The following MED13L variants were observed in gnomAD, a reference collection of about 807,000 sequenced individuals.
The protein encoded by MED13L is mediator complex subunit 13L, also known as mediator of RNA polymerase II transcription subunit 13-like.
A neutral mutation model predicts 220.9 loss-of-function variants in MED13L; 7 were observed. The ratio of observed to expected loss-of-function variants is 0.03; its 90% CI spans 0.02 to 0.06. The LOEUF is 0.06. MED13L is among the 10% of genes least tolerant of loss of function. The probability of loss-of-function intolerance (pLI) is 1.00; values close to 1 mark genes in which losing one functional copy is unlikely to be tolerated. For missense variants in MED13L, 1,965 were observed against 2,760.5 expected (o/e 0.71, Z 6.46); for synonymous variants, 1,011 against 1,015.2 (o/e 1.00, Z 0.08).
At chr12:116,275,963 C>A (rs758258748) in intron 1 of MED13L, among the ~76,000 whole-genome samples, 2 of 152,214 alleles carry the variant, frequency 1.3e-5, no homozygotes, top group Non-Finnish European at 2.9e-5. Flanking sequence ...TATTTAAAGA[C>A]CACGCACTGC....
intron 1 of MED13L, among the ~76,000 whole-genome samples, chr12:116,244,209 T>C (rs994031642): frequency 1.3e-5 from 2 of 152,114 alleles, no homozygotes; most frequent in African/African-American, 4.8e-5. Context: ...GTAGAGTAGG[T>C]TAATACAGTA....
chr12:116,027,148 C>T (rs1426814692), intron 4 of MED13L, among the ~76,000 whole-genome samples: 1 of 152,132 alleles, frequency 6.6e-6, no homozygotes, highest in African/African-American at 2.4e-5. Context: ...AACAGCTGGG[C>T]AAGGTGGCTC....
intron 4 of MED13L, among the ~76,000 whole-genome samples, chr12:116,084,252 A>G (rs1294275959): frequency 1.3e-5 from 2 of 152,180 alleles, no homozygotes; most frequent in African/African-American, 4.8e-5. Flanking sequence ...TTGGTAACTT[A>G]CCTTTTTGAA....
chr12:116,027,749 C>T (rs1056488190), intron 4 of MED13L, among the ~76,000 whole-genome samples: 1 of 152,124 alleles, frequency 6.6e-6, no homozygotes, highest in Non-Finnish European at 1.5e-5. Flanking sequence ...GCTTAGCAAG[C>T]CATCAATATC....
intron 4 of MED13L, among the ~76,000 whole-genome samples, chr12:116,094,896 C>T (rs1872527681): frequency 6.6e-6 from 1 of 152,170 alleles, no homozygotes; most frequent in Admixed American, 6.5e-5. Flanking sequence ...AGGCCAGGCA[C>T]AGGGGCTCAC....
chr12:116,146,644 C>T (rs994973313), intron 2 of MED13L, among the ~76,000 whole-genome samples: 1 of 151,842 alleles, frequency 6.6e-6, no homozygotes, highest in African/African-American at 2.4e-5. Context: ...GCAGGGGGGA[C>T]TGCTTGAGGC....
intron 2 of MED13L, among the ~76,000 whole-genome samples, chr12:116,201,132 A>C (rs924919648): frequency 7.2e-5 from 11 of 152,354 alleles, no homozygotes; most frequent in African/African-American, 2.6e-4. Flanking sequence ...TATAATTTTA[A>C]AAAGCCCCCA....
At chr12:116,183,803 GGTGTGTGTGTGTGTGTATGTGT>G (rs1880692567) in intron 2 of MED13L, among the ~76,000 whole-genome samples, 4 of 110,162 alleles carry the variant, frequency 3.6e-5, no homozygotes, top group Middle Eastern at 4.7e-3. Flanking sequence ...TAGAAAAAAT[GGTGTGTGTGTGTGTGTATGTGT>G]GTGTGTGTGT....
chr12:116,080,832 G>C (rs1444326815), intron 4 of MED13L, among the ~76,000 whole-genome samples: 1 of 152,154 alleles, frequency 6.6e-6, no homozygotes, highest in Non-Finnish European at 1.5e-5. Context: ...ACTGCAGTAT[G>C]TGCATTATTT....
At chr12:116,056,784 G>C (rs185291461) in intron 4 of MED13L, among the ~76,000 whole-genome samples, 2 of 152,262 alleles carry the variant, frequency 1.3e-5, no homozygotes, top group Admixed American at 1.3e-4. Flanking sequence ...TTATAGGATA[G>C]AAATTACTAT....
chr12:116,031,616 A>AG (rs1442798197), intron 4 of MED13L, among the ~76,000 whole-genome samples: 2 of 85,038 alleles, frequency 2.4e-5, no homozygotes, highest in African/African-American at 9.4e-5. Flanking sequence ...AAGAGAAGAG[A>AG]AGGAGGGGAG....
chr12:116,270,222 ACCT>A (rs1873183802), intron 1 of MED13L, among the ~76,000 whole-genome samples: 1 of 151,886 alleles, frequency 6.6e-6, no homozygotes, highest in Non-Finnish European at 1.5e-5. Flanking sequence ...GCTCACTGAA[ACCT>A]CTGCCTCCTG....
intron 14 of MED13L, among the ~76,000 whole-genome samples, chr12:115,998,128 A>T (rs557998330): frequency 8.9e-4 from 134 of 151,008 alleles, no homozygotes; most frequent in African/African-American, 3.0e-3. Flanking sequence ...CTCCTTCTTT[A>T]AAAAAAAAGT....
chr12:116,109,044 T>G (rs942575102), intron 3 of MED13L, among the ~76,000 whole-genome samples: 8 of 150,464 alleles, frequency 5.3e-5, no homozygotes, highest in South Asian at 2.1e-4. Context: ...AAACTTTATA[T>G]GTCATAATTA....
Position 116,019,160 on chromosome 12 carries a change from G to A in MED13L, c.1009+64C>T, listed in dbSNP as rs1301870641. Reference sequence around the variant, plus strand: ...ATTTCTGTTTTCTCACCTGTTCCATGGCAGGTAGACTATACAATTGTCTGA... The same window carrying A: ...ATTTCTGTTTTCTCACCTGTTCCATAGCAGGTAGACTATACAATTGTCTGA... On this transcript the variant is annotated intron_variant, in intron 7 of 30. Transcript: ENST00000281928. 1.5e-5 allele frequency: 22 copies of A among 1,501,584 alleles called. No individual in the cohort carries two copies. The South Asian group carries it at 2.3e-4, about 16-fold the overall frequency. The allele number at this position is 1,501,584 out of a possible 1,614,324, so 93.0% of individuals were successfully genotyped here.
chr12:116,025,641 A>G (rs1880342957), intron 4 of MED13L, among the ~76,000 whole-genome samples: 1 of 152,186 alleles, frequency 6.6e-6, no homozygotes, highest in South Asian at 2.1e-4. Flanking sequence ...GACAAATACC[A>G]CATGATCTCA....
chr12:116,263,294 A>G (rs1196256263), intron 1 of MED13L, among the ~76,000 whole-genome samples: 1 of 152,212 alleles, frequency 6.6e-6, no homozygotes, highest in Non-Finnish European at 1.5e-5. Flanking sequence ...AGAATTATAA[A>G]TTAAACTATG....
intron 2 of MED13L, among the ~76,000 whole-genome samples, chr12:116,142,897 T>C (rs1877200685): frequency 6.6e-6 from 1 of 152,212 alleles, no homozygotes; most frequent in African/African-American, 2.4e-5. Flanking sequence ...GTGTAGTTAA[T>C]TATTAGAACT....
chr12:116,095,628 T>C (rs1013564929), intron 4 of MED13L, among the ~76,000 whole-genome samples: 3 of 152,144 alleles, frequency 2.0e-5, no homozygotes, highest in Non-Finnish European at 2.9e-5. Context: ...AAAACTACTA[T>C]GTAAGGCTTC....
Sources: gnomAD v4.1 joint callset for allele counts (sites outside exome capture counted in the v4.1 genomes callset) on GRCh38, gnomAD v4.1.1 for gene constraint, MANE v1.5 for transcripts, NCBI Gene and HGNC (gene_info 2026-07-23, HGNC 2026-07-21) for gene names.